ERC1: variants seen among roughly 807,000 people sequenced by gnomAD.
The protein encoded by ERC1 is RAB6 interacting protein 2.
A neutral mutation model predicts 132.0 loss-of-function variants in ERC1; 56 were observed. The ratio of observed to expected loss-of-function variants is 0.42; its 90% CI spans 0.34 to 0.53. The LOEUF (loss-of-function observed/expected upper bound fraction) is 0.53. Ranked by LOEUF, ERC1 falls within the 20% of genes least tolerant of loss-of-function variation. ERC1 has a pLI of 0.03. For synonymous variants in ERC1, 478 were observed against 476.1 expected, an observed-to-expected ratio of 1.00 and a Z score of -0.05; for missense variants, 1,202 against 1,349.9, an observed-to-expected ratio of 0.89 and a Z score of 1.72.
At chr12:1,385,506 G>A (rs771830003) in intron 16 of ERC1, among the ~76,000 whole-genome samples, 44 of 152,236 alleles carry the variant, frequency 2.9e-4, no homozygotes, top group Non-Finnish European at 3.8e-4. Flanking sequence ...GGATGGTCTC[G>A]ATCTCCTGAC....
At chr12:1,109,404 A>T (rs554763801) in intron 4 of ERC1, among the ~76,000 whole-genome samples, 226 of 152,308 alleles carry the variant, frequency 1.5e-3, no homozygotes, top group African/African-American at 5.3e-3. Context: ...TTATTATTGC[A>T]CATATAGCTG....
intron 16 of ERC1, among the ~76,000 whole-genome samples, chr12:1,381,893 G>A (rs1394586009): frequency 6.6e-6 from 1 of 151,952 alleles, no homozygotes; most frequent in East Asian, 1.9e-4. Flanking sequence ...GGCTTAAGTT[G>A]AACAAATGAG....
At chr12:1,001,903 C>T (rs1215944517) in intron 1 of ERC1, among the ~76,000 whole-genome samples, 1 of 146,636 alleles carries the variant, frequency 6.8e-6, no homozygotes, top group African/African-American at 2.5e-5. Context: ...CTCTGTTGCC[C>T]AGGCTGGAGT....
chr12:1,262,480 T>G (rs758108425), intron 13 of ERC1, among the ~76,000 whole-genome samples: 2 of 152,220 alleles, frequency 1.3e-5, no homozygotes, highest in African/African-American at 4.8e-5. Context: ...TTTTCTCCTA[T>G]GAGATTATGA....
At chr12:1,004,401 C>CTTTTTTTTTTTTTTTTTTTTTT (rs71055118) in intron 1 of ERC1, among the ~76,000 whole-genome samples, 1 of 95,022 alleles carries the variant, frequency 1.1e-5, no homozygotes, top group Non-Finnish European at 2.0e-5. Flanking sequence ...TTTTCTTTCT[C>CTTTTTTTTTTTTTTTTTTTTTT]TTTTTTTTTT....
chr12:1,194,249 C>T (rs192698827), intron 12 of ERC1, among the ~76,000 whole-genome samples: 7 of 151,868 alleles, frequency 4.6e-5, no homozygotes, highest in Admixed American at 6.6e-5. Context: ...GGTGAAACCC[C>T]GTCTCTACTA....
intron 7 of ERC1, among the ~76,000 whole-genome samples, chr12:1,137,073 TTTTC>T (rs1386567537): frequency 1.3e-5 from 2 of 151,554 alleles, no homozygotes; most frequent in South Asian, 4.2e-4. Flanking sequence ...TCTTTTTTCT[TTTTC>T]TTTTTCTTTC....
intron 17 of ERC1, among the ~76,000 whole-genome samples, chr12:1,433,659 T>C (rs2092867115): frequency 6.6e-6 from 1 of 152,222 alleles, no homozygotes; most frequent in South Asian, 2.1e-4. Context: ...TGAGATCTTA[T>C]TGCTTAAACG....
chr12:1,037,253 TAGTGC>T (rs1969265804), intron 2 of ERC1, among the ~76,000 whole-genome samples: 1 of 152,228 alleles, frequency 6.6e-6, no homozygotes, highest in Non-Finnish European at 1.5e-5. Context: ...TTGGATCTCA[TAGTGC>T]AGTGTAGTGT....
intron 2 of ERC1, among the ~76,000 whole-genome samples, chr12:1,042,351 T>TTC (rs1216993604): frequency 7.0e-6 from 1 of 142,856 alleles, no homozygotes; most frequent in Non-Finnish European, 1.5e-5. Flanking sequence ...TTTTTTTTTT[T>TTC]TTTTTCTTTT....
intron 1 of ERC1, among the ~76,000 whole-genome samples, chr12:992,475 T>C (rs12309611): frequency 0.13 from 19,046 of 152,226 alleles, 1,862 homozygotes; most frequent in African/African-American, 0.27. Context: ...TGAAATTTTA[T>C]TTCTCATTTG....
At chr12:1,308,176 G>A (rs2081021592) in intron 15 of ERC1, among the ~76,000 whole-genome samples, 1 of 151,928 alleles carries the variant, frequency 6.6e-6, no homozygotes. Context: ...GTGTTCATAG[G>A]TGAGGTTCTG....
intron 18 of ERC1, among the ~76,000 whole-genome samples, chr12:1,471,613 T>A (rs7299186): frequency 6.6e-6 from 1 of 150,690 alleles, no homozygotes; most frequent in Non-Finnish European, 1.5e-5. Flanking sequence ...TAGCAACACG[T>A]GTTTCTTGGT....
chr12:1,239,383 C>CT lies in ERC1; in HGVS notation c.2487+2480dup, dbSNP rs1045212979. 6.2e-4 allele frequency among the ~76,000 whole-genome samples: 94 copies of CT among 152,246 alleles called. 2 individuals are homozygous for CT. Among genetic ancestry groups the CT allele is most frequent in the Middle Eastern group, 3.4e-3 (1 of 294 alleles). ...ATGGATCATATTTAGAGATTGCAAT[C>CT]TGGGTGTTAGGGGTACTCCCCACCA... On this transcript the variant is annotated intron_variant, in intron 13 of 18. Transcript: ENST00000360905.
Position 1,395,424 on chromosome 12 carries a change from A to T in ERC1, c.2926-12725A>T, listed in dbSNP as rs562943790. Among the ~76,000 whole-genome samples, 540 of 129,704 alleles carry T rather than the reference A, an allele frequency of 4.2e-3. 4 individuals carry two copies. Among genetic ancestry groups the T allele is most frequent in the African/African-American group, 0.016 (498 of 31,956 alleles). The allele number at this position is 129,704 out of a possible 152,430, so 85.1% of individuals were successfully genotyped here. A position where few individuals can be genotyped will look rare whatever the true frequency, so the allele number is the denominator to read the frequency against. On this transcript the variant is annotated intron_variant, in intron 16 of 18. Transcript: ENST00000360905. ...ATTTTGTAGTTTTTTTTTTTTTTTC[A>T]GTTTTAAAATGTTGAATGTGTTTTT...
At chr12:1,106,192 T>C (rs989364371) in intron 4 of ERC1, among the ~76,000 whole-genome samples, 5 of 152,200 alleles carry the variant, frequency 3.3e-5, no homozygotes, top group African/African-American at 7.2e-5. Flanking sequence ...GTGGGTCGTT[T>C]TGAGGTTTAA....
chr12:1,467,409 G>T (rs1318252680), intron 18 of ERC1, among the ~76,000 whole-genome samples: 1 of 152,072 alleles, frequency 6.6e-6, no homozygotes, highest in Non-Finnish European at 1.5e-5. Context: ...GAAAAGGAGG[G>T]TTCAAAAAAG....
intron 13 of ERC1, among the ~76,000 whole-genome samples, chr12:1,260,624 C>T (rs1353883704): frequency 1.3e-5 from 2 of 152,120 alleles, no homozygotes; most frequent in Non-Finnish European, 2.9e-5. Flanking sequence ...TTTATTTTAG[C>T]AGAGCTCTCA....
intron 8 of ERC1, among the ~76,000 whole-genome samples, chr12:1,172,489 G>A (rs1013441316): frequency 1.1e-4 from 16 of 152,066 alleles, no homozygotes; most frequent in Non-Finnish European, 2.1e-4. Flanking sequence ...AAACAAATAT[G>A]TATTTCTTGA....
Sources: allele counts gnomAD v4.1 joint callset (sites outside exome capture counted in the v4.1 genomes callset), GRCh38; gene constraint gnomAD v4.1.1; transcripts MANE v1.5; gene names NCBI Gene and HGNC (gene_info 2026-07-23, HGNC 2026-07-21).